Variants in PPP4R3A observed in about 807,000 individuals in gnomAD.
PPP4R3A encodes the protein serine/threonine-protein phosphatase 4 regulatory subunit 3A.
PPP4R3A carries 15 observed loss-of-function variants against 91.7 expected under a neutral mutation model. The ratio of observed to expected loss-of-function variants is 0.16; its 90% CI spans 0.11 to 0.25. The LOEUF is 0.25. Among genes scored for constraint, PPP4R3A ranks in the 10% least tolerant of loss-of-function variants. The pLI is 1.00. For missense variants in PPP4R3A, 623 were observed against 998.4 expected (o/e 0.62, Z 5.07); for synonymous variants, 377 against 348.7 (o/e 1.08, Z -0.91).
At chr14:91,460,626 A>G (rs1342528469) in intron 14 of PPP4R3A, among the ~76,000 whole-genome samples, 3 of 142,616 alleles carry the variant, frequency 2.1e-5, no homozygotes, top group African/African-American at 2.6e-5. Context: ...TTTTTTCTTA[A>G]GATTTTGTTC....
chr14:91,460,172 C>T (rs138223000), intron 14 of PPP4R3A, among the ~76,000 whole-genome samples: 524 of 151,836 alleles, frequency 3.5e-3, no homozygotes, highest in Non-Finnish European at 5.9e-3. Context: ...CCACCACACG[C>T]GGCTAATGTT....
At chr14:91,480,527 T>C (rs1356820139) in intron 4 of PPP4R3A, among the ~76,000 whole-genome samples, 1 of 152,232 alleles carries the variant, frequency 6.6e-6, no homozygotes, top group African/African-American at 2.4e-5. Context: ...CGTATCATTA[T>C]CTGGGAATTT....
At chr14:91,500,237 T>G (rs1255871411) in intron 1 of PPP4R3A, among the ~76,000 whole-genome samples, 2 of 151,826 alleles carry the variant, frequency 1.3e-5, no homozygotes, top group African/African-American at 4.8e-5. Context: ...CGGATTTCAC[T>G]CTTGTCAGGC....
chr14:91,472,458 G>GC (rs1888907190), intron 9 of PPP4R3A, among the ~76,000 whole-genome samples: 1 of 133,162 alleles, frequency 7.5e-6, no homozygotes, highest in South Asian at 2.4e-4. Context: ...CAGGAAAATT[G>GC]TTTTTTTTTT....
chr14:91,484,011 T>C (rs1047034936), intron 3 of PPP4R3A, among the ~76,000 whole-genome samples: 3 of 152,162 alleles, frequency 2.0e-5, no homozygotes, highest in Admixed American at 6.5e-5. Context: ...AGAACAAGAT[T>C]TGTCTGAATA....
At chr14:91,484,833 G>A (rs1017117453) in intron 3 of PPP4R3A, among the ~76,000 whole-genome samples, 2 of 152,150 alleles carry the variant, frequency 1.3e-5, no homozygotes, top group Non-Finnish European at 2.9e-5. Context: ...TCTCTAGAAA[G>A]AAATGGCCTA....
intron 1 of PPP4R3A, among the ~76,000 whole-genome samples, chr14:91,499,248 G>C (rs1047197253): frequency 4.6e-5 from 7 of 151,922 alleles, no homozygotes; most frequent in Non-Finnish European, 7.4e-5. Flanking sequence ...CTGGGCGACA[G>C]AGCGAGACCC....
intron 1 of PPP4R3A, among the ~76,000 whole-genome samples, chr14:91,498,475 T>C (rs564711110): frequency 1.3e-5 from 2 of 152,380 alleles, no homozygotes; most frequent in Admixed American, 6.5e-5. Context: ...TAATTTCTAA[T>C]ATGGTAAATA....
At chr14:91,496,256 A>G (rs1890564686) in intron 1 of PPP4R3A, among the ~76,000 whole-genome samples, 1 of 152,182 alleles carries the variant, frequency 6.6e-6, no homozygotes, top group Non-Finnish European at 1.5e-5. Context: ...AATTCATCAA[A>G]TTGAATACTT....
intron 9 of PPP4R3A, among the ~76,000 whole-genome samples, chr14:91,472,718 C>T (rs1353013686): frequency 6.6e-6 from 1 of 152,078 alleles, no homozygotes; most frequent in East Asian, 1.9e-4. Flanking sequence ...ATCCGCTTGC[C>T]TTGGCCTCCC....
intron 5 of PPP4R3A, 95 bp from the exon 6 acceptor site, chr14:91,476,619 G>A (rs1889224216): frequency 2.3e-6 from 2 of 884,200 alleles, no homozygotes; most frequent in African/African-American, 1.7e-5. Context: ...ACGCTGGAGT[G>A]CAATGGCACG....
chr14:91,466,160 ACTCAGAC>A, intron 10 of PPP4R3A: 1 of 883,404 alleles, frequency 1.1e-6, no homozygotes, highest in Non-Finnish European at 1.4e-6. Context: ...ACACAAATAT[ACTCAGAC>A]AGCTAGACTT....
chr14:91,470,310 G>A (rs1325511650), intron 10 of PPP4R3A, among the ~76,000 whole-genome samples: 1 of 152,148 alleles, frequency 6.6e-6, no homozygotes, highest in Non-Finnish European at 1.5e-5. Context: ...CACTGTGAAA[G>A]TCATTCTGAA....
chr14:91,463,938 T>C (rs1238222413), intron 11 of PPP4R3A, among the ~76,000 whole-genome samples: 1 of 152,162 alleles, frequency 6.6e-6, no homozygotes, highest in Non-Finnish European at 1.5e-5. Flanking sequence ...GGCTCTGGTA[T>C]CTGTTGTTGT....
At chr14:91,460,637 CTTTT>C (rs573677740) in intron 14 of PPP4R3A, among the ~76,000 whole-genome samples, 22 of 111,276 alleles carry the variant, frequency 2.0e-4, no homozygotes, top group South Asian at 3.0e-4. Flanking sequence ...GATTTTGTTC[CTTTT>C]TTTTTTTTTT....
chr14:91,467,843 G>A lies in PPP4R3A; in HGVS notation c.1661-2424C>T, dbSNP rs1888568401. Reference sequence around the variant, plus strand: ...AATCCCCAAACTGTTACATTTAATTGCTCATTACTGTCTGCATTTATATAT... The same window carrying A: ...AATCCCCAAACTGTTACATTTAATTACTCATTACTGTCTGCATTTATATAT... On this transcript the variant is annotated intron_variant, in intron 10 of 14. Coordinates refer to ENST00000554943, the MANE Select transcript of PPP4R3A (RefSeq NM_001366432.2). Among the ~76,000 whole-genome samples the A allele has an allele frequency of 3.3e-5, 5 of 152,190 alleles. No homozygotes were observed. In the South Asian group the frequency reaches 1.0e-3, roughly 32 times the overall value.
rs1367861150 is a variant in PPP4R3A, at chr14:91,488,268, A to G, written c.198+2479T>C. Among the ~76,000 whole-genome samples, 6 of 152,190 alleles carry G rather than the reference A, an allele frequency of 3.9e-5. No individual in the cohort carries two copies. The East Asian group carries it at 7.7e-4, about 20-fold the overall frequency. On this transcript the variant is annotated intron_variant, in intron 2 of 14. Coordinates refer to ENST00000554943, the MANE Select transcript of PPP4R3A (RefSeq NM_001366432.2). The stretch of plus-strand genomic sequence containing the variant: ...ATATTAACTCTGTTCAGTCATTTAT[A>G]TAACTGTCAATCATGAGACCAGTAG...
chr14:91,487,236 TGA>T (rs1889949519), intron 2 of PPP4R3A, among the ~76,000 whole-genome samples: 1 of 108,786 alleles, frequency 9.2e-6, no homozygotes, highest in Non-Finnish European at 1.7e-5. Context: ...GGTGACAGAG[TGA>T]GAGTCCGTCT....
intron 14 of PPP4R3A, among the ~76,000 whole-genome samples, chr14:91,460,261 C>G (rs1009585384): frequency 6.6e-6 from 1 of 152,260 alleles, no homozygotes; most frequent in Admixed American, 6.5e-5. Context: ...GACCCACCCC[C>G]CTGGACCTCC....
Sources: allele counts gnomAD v4.1 joint callset (sites outside exome capture counted in the v4.1 genomes callset), GRCh38; gene constraint gnomAD v4.1.1; transcripts MANE v1.5; gene names NCBI Gene and HGNC (gene_info 2026-07-23, HGNC 2026-07-21).